Variants in AKAP13 observed in about 807,000 individuals in gnomAD.
AKAP13 encodes A-kinase anchor protein 13.
In AKAP13, 80 loss-of-function variants were observed where a neutral mutation model predicts 264.5. That is an observed-to-expected ratio of 0.30 (90% confidence interval 0.25 to 0.36). The LOEUF (loss-of-function observed/expected upper bound fraction) is 0.36, where lower values mean the gene tolerates loss of function less well. AKAP13 is among the 10% of genes least tolerant of loss of function. The pLI, the probability that AKAP13 is intolerant of heterozygous loss-of-function variation, is 1.00. For synonymous variants in AKAP13, 1,380 were observed against 1,250.2 expected (o/e 1.10, Z -2.19); for missense variants, 3,712 against 3,435.2 (o/e 1.08, Z -2.01).
intron 1 of AKAP13, among the ~76,000 whole-genome samples, chr15:85,432,980 A>T (rs2073090375): frequency 6.6e-6 from 1 of 152,000 alleles, no homozygotes; most frequent in South Asian, 2.1e-4. Flanking sequence ...CATTACCTTG[A>T]GATACTTAAC....
At chr15:85,722,439 T>C in intron 25 of AKAP13, 92 bp downstream of exon 25, 1 of 1,030,808 alleles carries the variant, frequency 9.7e-7, no homozygotes, top group Admixed American at 2.4e-5. Context: ...TGCTATTTCA[T>C]GCTTTAGTAT....
At chr15:85,624,854 A>T (rs2081343009) in intron 8 of AKAP13, among the ~76,000 whole-genome samples, 1 of 152,206 alleles carries the variant, frequency 6.6e-6, no homozygotes. Context: ...TGGTTTAGGG[A>T]TAATCACAAG....
intron 5 of AKAP13, among the ~76,000 whole-genome samples, chr15:85,562,795 A>C (rs2151269551): frequency 7.0e-6 from 1 of 142,452 alleles, no homozygotes; most frequent in East Asian, 2.2e-4. Flanking sequence ...TCCTGGGTTC[A>C]AGCGATTCTC....
chr15:85,549,822 A>G (rs1023989718), intron 5 of AKAP13, among the ~76,000 whole-genome samples: 1 of 152,366 alleles, frequency 6.6e-6, no homozygotes, highest in South Asian at 2.1e-4. Flanking sequence ...GGTTCTTACT[A>G]TAATAACTGT....
chr15:85,625,165 T>A (rs1182980720), intron 8 of AKAP13, among the ~76,000 whole-genome samples: 1 of 152,218 alleles, frequency 6.6e-6, no homozygotes, highest in Admixed American at 6.5e-5. Context: ...TTTTCCACAT[T>A]TCCAGCTACT....
intron 2 of AKAP13, among the ~76,000 whole-genome samples, chr15:85,513,825 T>G (rs1366163283): frequency 2.3e-5 from 2 of 88,488 alleles, no homozygotes; most frequent in African/African-American, 1.1e-4. Flanking sequence ...CTTAATAGAC[T>G]GTTTCTCATT....
intron 36 of AKAP13, chr15:85,744,390 G>A: frequency 1.9e-6 from 1 of 515,078 alleles, no homozygotes; most frequent in Non-Finnish European, 3.5e-6. Context: ...CATTTTCCTG[G>A]CCTCTTCATA....
At chr15:85,577,698 C>CT in intron 6 of AKAP13, 3 of 636,754 alleles carry the variant, frequency 4.7e-6, no homozygotes, top group Non-Finnish European at 5.9e-6. Flanking sequence ...ATAATATACT[C>CT]TGACAGTATA....
At chr15:85,399,632 CTG>C (rs1375567664) in intron 1 of AKAP13, among the ~76,000 whole-genome samples, 2 of 151,144 alleles carry the variant, frequency 1.3e-5, no homozygotes, top group African/African-American at 4.9e-5. Flanking sequence ...TGAAAGAACT[CTG>C]TATTTCTAAA....
At chr15:85,713,389 T>G (rs550766715) in intron 19 of AKAP13, among the ~76,000 whole-genome samples, 99 of 152,300 alleles carry the variant, frequency 6.5e-4, no homozygotes, top group Middle Eastern at 6.8e-3. Flanking sequence ...AGAATTGTCC[T>G]CTCTTTTTTC....
chr15:85,697,783 T>A (rs180702950), intron 17 of AKAP13, among the ~76,000 whole-genome samples: 27 of 152,352 alleles, frequency 1.8e-4, no homozygotes, highest in South Asian at 4.1e-4. Flanking sequence ...TTCTACTCTG[T>A]TGTCTGCATT....
At chr15:85,566,625 A>AC (rs2078614361) in intron 5 of AKAP13, among the ~76,000 whole-genome samples, 1 of 118,926 alleles carries the variant, frequency 8.4e-6, no homozygotes, top group South Asian at 2.5e-4. Flanking sequence ...AAAATAACTT[A>AC]CTTTTTTTTT....
At chr15:85,531,140 A>G (rs7170758) in intron 3 of AKAP13, among the ~76,000 whole-genome samples, 130,824 of 152,230 alleles carry the variant, frequency 0.86, 56,526 homozygotes, top group African/African-American at 0.89. Flanking sequence ...GGATTACAGC[A>G]TGAGTCATCG....
chr15:85,728,825 A>G (rs1038423124), intron 29 of AKAP13, among the ~76,000 whole-genome samples: 1 of 152,114 alleles, frequency 6.6e-6, no homozygotes, highest in South Asian at 2.1e-4. Context: ...TTAAAAGGCA[A>G]CAAGGGACTC....
intron 5 of AKAP13, among the ~76,000 whole-genome samples, chr15:85,568,034 G>A (rs1384884875): frequency 2.0e-5 from 3 of 151,356 alleles, no homozygotes; most frequent in Admixed American, 6.6e-5. Flanking sequence ...TGTAATCCCA[G>A]CACTTTGGGA....
rs1213797472 is a variant in AKAP13 at position 85,400,439 on chromosome 15, G to C, written c.-12+19641G>C. ...AAAAAAAATTAAAAAACAAAATTTAGTTCTGAAAGTACAAATACGTATAAT... is the reference window on the plus strand; with the variant it reads ...AAAAAAAATTAAAAAACAAAATTTACTTCTGAAAGTACAAATACGTATAAT... On this transcript the variant is annotated intron_variant, in intron 1 of 36. Transcript: ENST00000394518. 8.6e-5 allele frequency among the ~76,000 whole-genome samples: 13 copies of C among 152,040 alleles called. No individual in the cohort carries two copies. In the East Asian group the frequency reaches 2.1e-3, roughly 25 times the overall value.
chr15:85,564,929 T>G (rs191675489), intron 5 of AKAP13, among the ~76,000 whole-genome samples: 7 of 152,080 alleles, frequency 4.6e-5, no homozygotes, highest in African/African-American at 1.7e-4. Context: ...GTTCAGCAAG[T>G]CTTGCTGAGC....
At chr15:85,504,576 C>CAGCTATTT (rs572761786) in intron 2 of AKAP13, among the ~76,000 whole-genome samples, 42 of 144,268 alleles carry the variant, frequency 2.9e-4, no homozygotes, top group Non-Finnish European at 5.5e-4. Flanking sequence ...TTTATAGTCC[C>CAGCTATTT]AGCTATTTGG....
At chr15:85,610,828 A>C (rs1291027148) in intron 8 of AKAP13, among the ~76,000 whole-genome samples, 2 of 151,612 alleles carry the variant, frequency 1.3e-5, no homozygotes, top group Admixed American at 6.6e-5. Context: ...AAAATAAAAA[A>C]ATTAGCCGGG....
Sources: gnomAD v4.1 joint callset for allele counts (sites outside exome capture counted in the v4.1 genomes callset) on GRCh38, gnomAD v4.1.1 for gene constraint, MANE v1.5 for transcripts, NCBI Gene and HGNC (gene_info 2026-07-23, HGNC 2026-07-21) for gene names.